Variants in KLF12 observed in about 807,000 individuals in gnomAD.
KLF12 encodes the protein KLF transcription factor 12.
In KLF12, 9 loss-of-function variants were observed where a neutral mutation model predicts 37.8. The observed-to-expected ratio is 0.24, with a 90% CI of 0.14 to 0.42. The LOEUF (loss-of-function observed/expected upper bound fraction) is 0.42, where lower values mean the gene tolerates loss of function less well. Ranked by LOEUF, KLF12 falls within the 10% of genes least tolerant of loss-of-function variation. KLF12 has a pLI of 1.00. For synonymous variants in KLF12, 208 were observed against 202.1 expected, an observed-to-expected ratio of 1.03 and a Z score of -0.25; for missense variants, 411 against 516.0, an observed-to-expected ratio of 0.80 and a Z score of 1.97.
chr13:74,075,730 TTC>T (rs779936393), intron 1 of KLF12, among the ~76,000 whole-genome samples: 4 of 152,120 alleles, frequency 2.6e-5, no homozygotes, highest in Admixed American at 6.6e-5. Flanking sequence ...TGTACTTTGT[TTC>T]TCTGACTACA....
At chr13:73,963,351 T>TAC (rs57682253) in intron 2 of KLF12, among the ~76,000 whole-genome samples, 46,912 of 148,970 alleles carry the variant, frequency 0.31, 7,367 homozygotes, top group Middle Eastern at 0.4. Flanking sequence ...TACTTCAGTA[T>TAC]ACACACACAC....
chr13:74,179,989 A>G, the KLF12 span, among the ~76,000 whole-genome samples: 3 of 152,224 alleles, frequency 2.0e-5, no homozygotes, highest in African/African-American at 7.2e-5. Flanking sequence ...CAGAGCATGA[A>G]GAAATATCAT....
chr13:73,959,841 C>T (rs1890964956), intron 2 of KLF12, among the ~76,000 whole-genome samples: 2 of 152,076 alleles, frequency 1.3e-5, no homozygotes, highest in African/African-American at 2.4e-5. Flanking sequence ...TTATTTTGCT[C>T]CTAATAGTTT....
At chr13:73,871,972 C>T (rs372279096) in intron 3 of KLF12, among the ~76,000 whole-genome samples, 1 of 152,124 alleles carries the variant, frequency 6.6e-6, no homozygotes, top group South Asian at 2.1e-4. Context: ...CCTGAAAAGA[C>T]TAGAATGTTG....
chr13:74,124,033 T>C (rs1877794603), intron 1 of KLF12, among the ~76,000 whole-genome samples: 2 of 152,310 alleles, frequency 1.3e-5, no homozygotes, highest in East Asian at 1.9e-4. Context: ...CCCATACTTA[T>C]CAAGTATTCT....
At chr13:73,900,078 A>G (rs1405410603) in intron 3 of KLF12, among the ~76,000 whole-genome samples, 1 of 152,234 alleles carries the variant, frequency 6.6e-6, no homozygotes, top group Non-Finnish European at 1.5e-5. Context: ...TTGAGATGTC[A>G]ATAAAGAAAA....
chr13:74,003,444 G>C (rs1178964050), intron 1 of KLF12, among the ~76,000 whole-genome samples: 1 of 152,194 alleles, frequency 6.6e-6, no homozygotes, highest in Non-Finnish European at 1.5e-5. Flanking sequence ...ATGTGGAAAA[G>C]AAGCCTGTTG....
intron 1 of KLF12, among the ~76,000 whole-genome samples, chr13:74,034,700 A>T (rs1469661384): frequency 6.6e-6 from 1 of 152,220 alleles, no homozygotes; most frequent in Non-Finnish European, 1.5e-5. Context: ...GGTTTTATGA[A>T]GCAAAGTATT....
At chr13:74,283,076 C>A in the KLF12 span, among the ~76,000 whole-genome samples, 1 of 152,262 alleles carries the variant, frequency 6.6e-6, no homozygotes, top group South Asian at 2.1e-4. Flanking sequence ...CACAATATTT[C>A]TCTACCTTAA....
the KLF12 span, among the ~76,000 whole-genome samples, chr13:74,181,727 A>C: frequency 0.23 from 33,542 of 148,078 alleles, 6,716 homozygotes; most frequent in African/African-American, 0.54. Context: ...AAAAAAAAAA[A>C]GGAAAATGAG....
At chr13:73,975,893 C>T (rs1891504783) in intron 2 of KLF12, among the ~76,000 whole-genome samples, 1 of 152,180 alleles carries the variant, frequency 6.6e-6, no homozygotes, top group South Asian at 2.1e-4. Flanking sequence ...CCAACCCCAA[C>T]CAAATTTAGG....
chr13:73,733,620 A>G (rs1169970616), intron 6 of KLF12, among the ~76,000 whole-genome samples: 1 of 152,136 alleles, frequency 6.6e-6, no homozygotes, highest in Non-Finnish European at 1.5e-5. Flanking sequence ...GGCTATTGTG[A>G]ATAACGCTGT....
intron 1 of KLF12, among the ~76,000 whole-genome samples, chr13:74,014,232 G>T (rs753676970): frequency 3.9e-5 from 6 of 152,194 alleles, no homozygotes; most frequent in African/African-American, 7.2e-5. Context: ...TATTTCAGCA[G>T]TTGAGGCACA....
the KLF12 span, among the ~76,000 whole-genome samples, chr13:74,290,116 C>A: frequency 6.6e-6 from 1 of 152,132 alleles, no homozygotes; most frequent in African/African-American, 2.4e-5. Context: ...GTCTGCTAGA[C>A]CCCCAGACAG....
the KLF12 span, among the ~76,000 whole-genome samples, chr13:74,264,132 A>G: frequency 1.3e-5 from 2 of 152,230 alleles, no homozygotes; most frequent in East Asian, 3.8e-4. Flanking sequence ...ACTTTCCATT[A>G]CTTGGAATCC....
intron 5 of KLF12, chr13:73,800,321 G>T (rs1265595268): frequency 1.3e-5 from 2 of 151,998 alleles, no homozygotes; most frequent in Non-Finnish European, 2.9e-5. Context: ...TAAAAGTTAG[G>T]TCACTACATG....
At chr13:73,827,893 T>C (rs1402989733) in intron 4 of KLF12, among the ~76,000 whole-genome samples, 1 of 152,208 alleles carries the variant, frequency 6.6e-6, no homozygotes, top group African/African-American at 2.4e-5. Flanking sequence ...TGTTTTACTA[T>C]CAAGAGTTAA....
chr13:74,181,723 A>G, the KLF12 span, among the ~76,000 whole-genome samples: 5 of 151,780 alleles, frequency 3.3e-5, no homozygotes, highest in South Asian at 2.1e-4. Context: ...AAAAAAAAAA[A>G]AAAAGGAAAA....
intron 3 of KLF12, among the ~76,000 whole-genome samples, chr13:73,926,153 G>A (rs868697390): frequency 3.3e-5 from 5 of 152,172 alleles, no homozygotes; most frequent in Admixed American, 6.6e-5. Context: ...CAGTTCCACC[G>A]TGGGTAAAAC....
Sources: allele counts gnomAD v4.1 joint callset (sites outside exome capture counted in the v4.1 genomes callset), GRCh38; gene constraint gnomAD v4.1.1; transcripts MANE v1.5; gene names NCBI Gene and HGNC (gene_info 2026-07-23, HGNC 2026-07-21).